Variants in GPR149 observed in about 807,000 individuals in gnomAD.
GPR149 encodes the protein probable G protein-coupled receptor 149.
Under a neutral mutation model 50.2 loss-of-function variants are expected in GPR149, and 50 were observed. The ratio of observed to expected loss-of-function variants is 1.00; its 90% CI spans 0.79 to 1.26. The LOEUF is 1.26. GPR149 is among the 50% of genes most tolerant of loss of function. The pLI is 0.00. For missense variants in GPR149, 983 were observed against 895.4 expected (o/e 1.10, Z -1.25); for synonymous variants, 405 against 358.2 (o/e 1.13, Z -1.48).
At chr3:154,428,609 C>T (rs527759343) in intron 1 of GPR149, 26 bp downstream of exon 1, 6 of 1,597,406 alleles carry the variant, frequency 3.8e-6, no homozygotes, top group South Asian at 1.1e-5. Flanking sequence ...CACACACTCG[C>T]GCTTTGTGAG....
chr3:154,386,387 AT>A (rs1194475533), intron 3 of GPR149, among the ~76,000 whole-genome samples: 5 of 152,220 alleles, frequency 3.3e-5, no homozygotes, highest in African/African-American at 4.8e-5. Flanking sequence ...AGCCTGACGA[AT>A]TCCCACCAGA....
At chr3:154,418,750 G>A (rs1271681236) in intron 3 of GPR149, among the ~76,000 whole-genome samples, 1 of 150,858 alleles carries the variant, frequency 6.6e-6, no homozygotes, top group Non-Finnish European at 1.5e-5. Context: ...CACCAGCATG[G>A]CACATGTATA....
intron 3 of GPR149, among the ~76,000 whole-genome samples, chr3:154,384,418 A>G (rs1449708964): frequency 6.6e-6 from 1 of 152,214 alleles, no homozygotes; most frequent in Non-Finnish European, 1.5e-5. Context: ...AGTGAGAAAT[A>G]CCAACTGAGA....
Position 154,340,389 on chromosome 3 carries a change from C to G in GPR149, c.1624-2118G>C, listed in dbSNP as rs141640661. ...GGACCACACAGGTTCATCACAGCAT[C>G]AGACTACTATTAATATTTGAGTGGT... On this transcript the variant is annotated intron_variant, in intron 3 of 3. Coordinates refer to ENST00000389740, the MANE Select transcript of GPR149 (RefSeq NM_001038705.3). Among the ~76,000 whole-genome samples the G allele has an allele frequency of 2.4e-3, 372 of 152,328 alleles. 2 individuals carry two copies. The highest frequency in any genetic ancestry group is 8.8e-3 in the African/African-American group (366 of 41,578).
chr3:154,421,561 A>G, intron 2 of GPR149, 74 bp from the exon 3 acceptor site: 1 of 690,268 alleles, frequency 1.4e-6, no homozygotes, highest in Non-Finnish European at 2.2e-6. Context: ...TATAGCAAAT[A>G]AAAATAGAAA....
At chr3:154,405,792 C>T (rs1402309078) in intron 3 of GPR149, among the ~76,000 whole-genome samples, 2 of 151,290 alleles carry the variant, frequency 1.3e-5, no homozygotes, top group Non-Finnish European at 2.9e-5. Context: ...CCAAATGGAC[C>T]TGGGATCAAA....
chr3:154,413,353 G>C (rs1711894525), intron 3 of GPR149, among the ~76,000 whole-genome samples: 2 of 151,958 alleles, frequency 1.3e-5, no homozygotes, highest in Non-Finnish European at 1.5e-5. Context: ...ATAATCAGCA[G>C]AGTTAACAGA....
chr3:154,372,048 G>T (rs1035892827), intron 3 of GPR149, among the ~76,000 whole-genome samples: 25 of 150,188 alleles, frequency 1.7e-4, no homozygotes, highest in Admixed American at 6.7e-4. Context: ...CACAACTGCA[G>T]GGCCCCTTCT....
At chr3:154,339,545 T>C (rs932291802) in intron 3 of GPR149, among the ~76,000 whole-genome samples, 3 of 152,140 alleles carry the variant, frequency 2.0e-5, no homozygotes, top group Non-Finnish European at 4.4e-5. Flanking sequence ...GTCCCATATT[T>C]AGCACTGAAA....
intron 3 of GPR149, among the ~76,000 whole-genome samples, chr3:154,380,204 GAGAGAGAA>G: frequency 7.0e-6 from 1 of 142,324 alleles, no homozygotes; most frequent in African/African-American, 2.7e-5. Flanking sequence ...GAGAGAGAGA[GAGAGAGAA>G]TTTTCCATTG....
intron 3 of GPR149, among the ~76,000 whole-genome samples, chr3:154,344,504 C>T (rs1713877546): frequency 6.6e-6 from 1 of 152,122 alleles, no homozygotes; most frequent in African/African-American, 2.4e-5. Flanking sequence ...TCGTGTCCCC[C>T]TGTAAACTGT....
chr3:154,368,700 G>A (rs1714596515), intron 3 of GPR149, among the ~76,000 whole-genome samples: 1 of 152,190 alleles, frequency 6.6e-6, no homozygotes, highest in Non-Finnish European at 1.5e-5. Flanking sequence ...TCCTTTGATG[G>A]CAAGTGGGGA....
At position 154,421,379 on chromosome 3, in the gene GPR149, T is replaced by A. The variant is rs777707427; in HGVS notation, c.1283A>T (p.His428Leu). Residue 428 changes from histidine to leucine, a missense_variant, in exon 3 of 4, where the codon CAC becomes CTC. His to Leu is a moderately conservative substitution (Grantham distance 99). Transcript: ENST00000389740. ...YDDDENSIFY[H>L]NLMNSECETT... The stretch of plus-strand genomic sequence containing the variant: ...TTCACACTCAGAGTTCATCAGGTTG[T>A]GATAGAATATGGAATTTTCATCATC... 6.2e-7 allele frequency: 1 copy of A among 1,612,624 alleles called. No individual in the cohort carries two copies. Among genetic ancestry groups the A allele is most frequent in the African/African-American group, 1.3e-5 (1 of 74,852 alleles).
chr3:154,426,791 G>A (rs572065774), intron 2 of GPR149, among the ~76,000 whole-genome samples: 125 of 151,728 alleles, frequency 8.2e-4, no homozygotes, highest in African/African-American at 2.9e-3. Context: ...ATCCATACAT[G>A]AACACACAGT....
chr3:154,354,331 C>G lies in GPR149; in HGVS notation c.1624-16060G>C, dbSNP rs879414261. On this transcript the variant is annotated intron_variant, in intron 3 of 3. Transcript: ENST00000389740. ...GAAGTACAGGTCTATAATCCCTTAT[C>G]TGAAATTGCAATATCGATAGAGCTC... 4 of 257,358 alleles carry G rather than the reference C, an allele frequency of 1.6e-5. No homozygotes were observed. The South Asian group carries it at 2.1e-4, about 13-fold the overall frequency. The allele number at this position is 257,358 out of a possible 1,614,324, so 15.9% of individuals were successfully genotyped here. A position where few individuals can be genotyped will look rare whatever the true frequency, so the allele number is the denominator to read the frequency against.
In GPR149 at chr3:154,428,778, G is replaced by T. The variant is rs767703433; in HGVS notation, c.838C>A (p.Pro280Thr). The part of the protein sequence containing the change: ...SSDTVFGPGA[P>T]AAAGAEACRR... ...CAGGCTTCAGCCCCAGCGGCAGCGGGCGCACCCGGTCCGAACACGGTGTCG... is the reference window on the plus strand; with the variant it reads ...CAGGCTTCAGCCCCAGCGGCAGCGGTCGCACCCGGTCCGAACACGGTGTCG... Residue 280 changes from proline (P) to threonine (T), a missense_variant, in exon 1 of 4, where the codon CCC becomes ACC. Transcript: ENST00000389740. 1 of 1,613,810 alleles carries T rather than the reference G, an allele frequency of 6.2e-7. No individual in the cohort carries two copies. The highest frequency in any genetic ancestry group is 1.7e-5 in the Admixed American group (1 of 60,002).
At chr3:154,415,315 C>A (rs530110163) in intron 3 of GPR149, among the ~76,000 whole-genome samples, 1 of 151,872 alleles carries the variant, frequency 6.6e-6, no homozygotes, top group African/African-American at 2.4e-5. Context: ...ATTTGTAGAA[C>A]GTGAGCAGTT....
At chr3:154,355,330 C>T (rs1019022634) in intron 3 of GPR149, among the ~76,000 whole-genome samples, 1 of 152,216 alleles carries the variant, frequency 6.6e-6, no homozygotes, top group Non-Finnish European at 1.5e-5. Flanking sequence ...CCGGCCACTT[C>T]ATTTCTTATT....
chr3:154,427,055 CATA>C (rs994727709), intron 2 of GPR149, among the ~76,000 whole-genome samples: 25 of 152,112 alleles, frequency 1.6e-4, no homozygotes, highest in Admixed American at 6.5e-4. Context: ...TGTTCCATTG[CATA>C]ATAATGTTAT....
Sources: gnomAD v4.1 joint callset for allele counts (sites outside exome capture counted in the v4.1 genomes callset) on GRCh38, gnomAD v4.1.1 for gene constraint, MANE v1.5 for transcripts, NCBI Gene and HGNC (gene_info 2026-07-23, HGNC 2026-07-21) for gene names.